Variants in LRBA observed in about 807,000 individuals in gnomAD.
LRBA encodes the protein lipopolysaccharide-responsive and beige-like anchor protein.
In LRBA, 176 loss-of-function variants were observed where a neutral mutation model predicts 330.0. The ratio of observed to expected loss-of-function variants is 0.53; its 90% CI spans 0.47 to 0.60. The LOEUF (loss-of-function observed/expected upper bound fraction) is 0.60, where lower values mean the gene tolerates loss of function less well. LRBA is among the 20% of genes least tolerant of loss of function. The pLI is 0.00. For missense variants in LRBA, 3,259 were observed against 3,444.8 expected (o/e 0.95, Z 1.35); for synonymous variants, 1,230 against 1,193.0 (o/e 1.03, Z -0.64).
At chr4:150,688,096 A>C (rs1262102218) in intron 36 of LRBA, among the ~76,000 whole-genome samples, 1 of 152,228 alleles carries the variant, frequency 6.6e-6, no homozygotes, top group Non-Finnish European at 1.5e-5. Context: ...TACTGGTACC[A>C]AAACAGATAT....
rs551115892 is a variant in LRBA at position 150,440,935 on chromosome 4, T to G, written c.6781-4071A>C. ...GTGGTAGAATAATAAGTATTCTGCT[T>G]ATGAGATAATAATGATATCTTTCAA... is the stretch of plus-strand genomic sequence containing the variant. On this transcript the variant is annotated intron_variant, in intron 44 of 56. Coordinates refer to ENST00000651943, the MANE Select transcript of LRBA (RefSeq NM_001364905.1). Among the ~76,000 whole-genome samples, 9 of 152,206 alleles carry G rather than the reference T, an allele frequency of 5.9e-5. No individual in the cohort carries two copies. In the East Asian group the frequency reaches 1.4e-3, roughly 23 times the overall value.
intron 35 of LRBA, among the ~76,000 whole-genome samples, chr4:150,746,520 T>C (rs977507556): frequency 6.7e-6 from 1 of 150,366 alleles, no homozygotes; most frequent in Non-Finnish European, 1.5e-5. Context: ...TTTTTTTTTT[T>C]TTTTTTGTGA....
At chr4:150,622,866 T>C (rs987759335) in intron 37 of LRBA, among the ~76,000 whole-genome samples, 1 of 151,684 alleles carries the variant, frequency 6.6e-6, no homozygotes, top group Non-Finnish European at 1.5e-5. Context: ...CCCAGCTAAT[T>C]TGTTGTATTT....
chr4:150,524,850 A>T (rs1394956115), intron 40 of LRBA, among the ~76,000 whole-genome samples: 4 of 152,154 alleles, frequency 2.6e-5, no homozygotes, highest in Non-Finnish European at 5.9e-5. Flanking sequence ...AAAGTGACTG[A>T]ATCATTTAAT....
chr4:150,505,224 C>T (rs1363714761), intron 40 of LRBA, among the ~76,000 whole-genome samples: 2 of 152,196 alleles, frequency 1.3e-5, no homozygotes, highest in African/African-American at 2.4e-5. Flanking sequence ...CTGCACCAAG[C>T]AGACCTAATA....
Position 151,014,669 on chromosome 4 carries a change from A to G in LRBA, c.-27T>C, listed in dbSNP as rs936813418. 77 of 1,525,476 alleles carry G rather than the reference A, an allele frequency of 5.0e-5. No individual in the cohort carries two copies. Among genetic ancestry groups the G allele is most frequent in the Non-Finnish European group, 6.5e-5 (73 of 1,117,188 alleles). The allele number at this position is 1,525,476 out of a possible 1,614,324, so 94.5% of individuals were successfully genotyped here. A position where few individuals can be genotyped will look rare whatever the true frequency, so the allele number is the denominator to read the frequency against. The stretch of plus-strand genomic sequence containing the variant: ...GCTAGCTCACGATAAAGGACAACTC[A>G]GAGTCACCCTGGGACGGCAGTCGCT... On this transcript the variant is annotated 5_prime_UTR_variant, in exon 2 of 57. Coordinates refer to ENST00000651943, the MANE Select transcript of LRBA (RefSeq NM_001364905.1).
In LRBA at chr4:150,583,597, C is replaced by T. The variant is rs1398131833; in HGVS notation, c.6330+4451G>A. 2.5e-6 allele frequency: 4 copies of T among 1,613,986 alleles called. No individual in the cohort carries two copies. Among genetic ancestry groups the T allele is most frequent in the Non-Finnish European group, 3.4e-6 (4 of 1,179,982 alleles). ...TCGCAGCGCGGCACAGTGGCCTATG[C>T]CCCACATCCCTTGGCCCGGCCCCAA... On this transcript the variant is annotated intron_variant, in intron 40 of 56. Coordinates refer to ENST00000651943, the MANE Select transcript of LRBA (RefSeq NM_001364905.1). This position sits in a 1 kb window ranked among gnomAD's most constrained non-coding sequence, Gnocchi z 9.8.
At chr4:150,984,308 T>C (rs1347864352) in intron 2 of LRBA, among the ~76,000 whole-genome samples, 1 of 151,876 alleles carries the variant, frequency 6.6e-6, no homozygotes, top group Non-Finnish European at 1.5e-5. Context: ...AGGTCAGGAG[T>C]TCGAGACCAG....
intron 44 of LRBA, among the ~76,000 whole-genome samples, chr4:150,460,427 G>A (rs1191304842): frequency 6.6e-6 from 1 of 151,782 alleles, no homozygotes; most frequent in Non-Finnish European, 1.5e-5. Flanking sequence ...CTATGGTTCT[G>A]TCACTCAGTT....
chr4:150,520,812 A>G (rs1329542701), intron 40 of LRBA, among the ~76,000 whole-genome samples: 2 of 152,170 alleles, frequency 1.3e-5, no homozygotes, highest in East Asian at 1.9e-4. Context: ...GAGGGTACCT[A>G]TGTACCTATT....
intron 36 of LRBA, among the ~76,000 whole-genome samples, chr4:150,708,120 G>A (rs777462622): frequency 1.3e-5 from 2 of 151,120 alleles, no homozygotes; most frequent in Non-Finnish European, 3.0e-5. Flanking sequence ...AGTAACAGGC[G>A]CATCATCTAA....
At chr4:150,685,029 T>G (rs1004536804) in intron 36 of LRBA, among the ~76,000 whole-genome samples, 3 of 152,192 alleles carry the variant, frequency 2.0e-5, no homozygotes, top group African/African-American at 7.2e-5. Flanking sequence ...CAAGATTTAG[T>G]TGGACAGTTG....
Position 150,490,947 on chromosome 4 carries a change from G to GT in LRBA, c.6418dup (p.Thr2140AsnfsTer28). On this transcript the variant is annotated frameshift_variant, in exon 41 of 57. Transcript: ENST00000651943. LOFTEE classifies it high-confidence loss of function. ...GTTTGCCATAAAGATCTCCAGGGCT[G>GT]TATTTTGCAAAAGATAACGACGAGA... 6.2e-7 allele frequency: 1 copy of GT among 1,607,956 alleles called. No homozygotes were observed. Among genetic ancestry groups the GT allele is most frequent in the Non-Finnish European group, 8.5e-7 (1 of 1,175,716 alleles).
chr4:150,806,124 C>T (rs1742758353), intron 33 of LRBA, 147 bp downstream of exon 33: 1 of 476,760 alleles, frequency 2.1e-6, no homozygotes, highest in African/African-American at 2.0e-5. Context: ...AGACATGTGA[C>T]ACAGTCTTCA....
intron 44 of LRBA, among the ~76,000 whole-genome samples, chr4:150,464,869 CTT>C (rs1184659479): frequency 1.3e-5 from 2 of 151,630 alleles, no homozygotes; most frequent in Non-Finnish European, 2.9e-5. Context: ...AGTTTGCTAA[CTT>C]TTTTTTTCTT....
chr4:150,710,065 C>T (rs536332782), intron 36 of LRBA, among the ~76,000 whole-genome samples: 349 of 151,896 alleles, frequency 2.3e-3, no homozygotes, highest in South Asian at 6.7e-3. Flanking sequence ...GGCTATTCTG[C>T]GTAAAAGAAA....
At chr4:150,455,446 G>T (rs944350893) in intron 44 of LRBA, among the ~76,000 whole-genome samples, 4 of 151,930 alleles carry the variant, frequency 2.6e-5, no homozygotes, top group Non-Finnish European at 5.9e-5. Flanking sequence ...GGAATACTAT[G>T]CAGCCATAAA....
chr4:150,584,320 T>C, intron 40 of LRBA: 1 of 471,462 alleles, frequency 2.1e-6, no homozygotes. Flanking sequence ...GTGATCGTTT[T>C]CTTCCAAACA....
At chr4:150,363,092 C>T (rs1188379450) in intron 47 of LRBA, among the ~76,000 whole-genome samples, 2 of 152,328 alleles carry the variant, frequency 1.3e-5, no homozygotes, top group Admixed American at 6.5e-5. Flanking sequence ...GATTGTGCCA[C>T]TGTATGCCGG....
Sources: allele counts gnomAD v4.1 joint callset (sites outside exome capture counted in the v4.1 genomes callset), GRCh38; gene constraint gnomAD v4.1.1; non-coding constraint Gnocchi (gnomAD v3.1); transcripts MANE v1.5; gene names NCBI Gene and HGNC (gene_info 2026-07-23, HGNC 2026-07-21).